The following TDRD7 variants were observed in gnomAD, a reference collection of about 807,000 sequenced individuals.
TDRD7 encodes tudor domain-containing protein 7.
Under a neutral mutation model 109.8 loss-of-function variants are expected in TDRD7, and 47 were observed. The observed-to-expected ratio is 0.43, with a 90% CI of 0.34 to 0.55. TDRD7 has a LOEUF of 0.55. Among genes scored for constraint, TDRD7 ranks in the 20% least tolerant of loss-of-function variants. TDRD7 has a pLI of 0.03. For missense variants in TDRD7, 1,164 were observed against 1,319.2 expected (o/e 0.88, Z 1.82); for synonymous variants, 424 against 457.3 (o/e 0.93, Z 0.93).
intron 16 of TDRD7, among the ~76,000 whole-genome samples, chr9:97,493,355 C>T (rs966891179): frequency 4.6e-5 from 7 of 152,054 alleles, no homozygotes; most frequent in Non-Finnish European, 7.4e-5. Context: ...CACATGTCCG[C>T]AAGTTCCGTG....
chr9:97,425,063 A>G (rs761758613), intron 1 of TDRD7, among the ~76,000 whole-genome samples: 27 of 152,116 alleles, frequency 1.8e-4, no homozygotes, highest in Middle Eastern at 3.2e-3. Context: ...CATTGGTTCT[A>G]TTCTTCGTAC....
intron 6 of TDRD7, among the ~76,000 whole-genome samples, chr9:97,448,396 C>A (rs1386455364): frequency 6.6e-6 from 1 of 152,170 alleles, no homozygotes; most frequent in Non-Finnish European, 1.5e-5. Context: ...CATTGGGGAC[C>A]ATTTCCCTAT....
At chr9:97,486,788 C>T (rs1829219254) in intron 15 of TDRD7, among the ~76,000 whole-genome samples, 1 of 152,168 alleles carries the variant, frequency 6.6e-6, no homozygotes, top group Non-Finnish European at 1.5e-5. Context: ...TGTACCATAT[C>T]CAAACATGTG....
chr9:97,454,262 C>T (rs577240318), intron 6 of TDRD7, among the ~76,000 whole-genome samples: 3 of 152,212 alleles, frequency 2.0e-5, no homozygotes, highest in South Asian at 2.1e-4. Context: ...GGGTGGATCA[C>T]GAGGTCAGGA....
rs775539832 is a variant in TDRD7, at chr9:97,432,075, G to C, written c.400G>C (p.Val134Leu). 2.5e-6 allele frequency: 4 copies of C among 1,613,710 alleles called. No individual in the cohort carries two copies. The highest frequency in any genetic ancestry group is 2.2e-5 in the South Asian group (2 of 91,090). ...ACCAGGATTTGCTTCAAATTTTTCT[G>C]TTGGCAAAAAACCTAATCCAGCACC... ...RQPGFASNFS[V>L]GKKPNPAPLR... Residue 134 changes from valine to leucine, a missense_variant, in exon 4 of 17, where the codon GTT becomes CTT. This residue lies in a region of TDRD7 where 407 missense variants were observed against 394.0 expected (regional missense o/e 1.03). Coordinates refer to ENST00000355295, the MANE Select transcript of TDRD7 (RefSeq NM_014290.3).
chr9:97,437,169 G>A (rs1430980540), intron 4 of TDRD7, among the ~76,000 whole-genome samples: 1 of 152,152 alleles, frequency 6.6e-6, no homozygotes, highest in African/African-American at 2.4e-5. Context: ...TTACCTCATA[G>A]TTTCTGTGGG....
chr9:97,439,234 T>TA lies in TDRD7; in HGVS notation c.564-9dup. On this transcript the variant is annotated splice_polypyrimidine_tract_variant and intron_variant, in intron 4 of 16. Transcript: ENST00000355295. Reference sequence around the variant, plus strand: ...ACATTTATTTTACTTTTTTTTTTTTTAATATCTTAGGTTTAGCCCAAAGGC... The same window carrying TA: ...ACATTTATTTTACTTTTTTTTTTTTTAAATATCTTAGGTTTAGCCCAAAGGC... 4 of 1,563,772 alleles carry TA rather than the reference T, an allele frequency of 2.6e-6. No individual in the cohort carries two copies. The highest frequency in any genetic ancestry group is 1.4e-5 in the African/African-American group (1 of 72,610).
Position 97,478,704 on chromosome 9 carries a change from T to G in TDRD7, c.2301+131T>G, listed in dbSNP as rs574779043. The G allele has an allele frequency of 3.8e-6, 5 of 1,320,856 alleles. No homozygotes were observed. In the South Asian group the frequency reaches 4.8e-5, roughly 13 times the overall value. The allele number at this position is 1,320,856 out of a possible 1,614,324, so 81.8% of individuals were successfully genotyped here. ...ATTGGAAATTGTCCAAATGTGGTTG[T>G]CTGCTGGTTTTCAGAAGTAAAACAT... On this transcript the variant is annotated intron_variant, in intron 13 of 16. Coordinates refer to ENST00000355295, the MANE Select transcript of TDRD7 (RefSeq NM_014290.3).
chr9:97,438,288 G>T (rs1427427113), intron 4 of TDRD7, among the ~76,000 whole-genome samples: 2 of 152,194 alleles, frequency 1.3e-5, no homozygotes, highest in Non-Finnish European at 2.9e-5. Flanking sequence ...ATTTCTTTTA[G>T]AATTAAAATT....
At chr9:97,431,997 A>C (rs369279753) in intron 3 of TDRD7, 28 bp from the exon 4 acceptor site, 1 of 1,605,492 alleles carries the variant, frequency 6.2e-7, no homozygotes, top group Non-Finnish European at 8.5e-7. Flanking sequence ...ATGCTAATTG[A>C]TTTCGTTATG....
intron 7 of TDRD7, among the ~76,000 whole-genome samples, chr9:97,461,854 AG>A (rs765744214): frequency 6.6e-6 from 1 of 152,238 alleles, no homozygotes; most frequent in East Asian, 1.9e-4. Context: ...GAGATGGAAA[AG>A]CCCAAAGAAG....
Position 97,439,253 on chromosome 9 carries a change from C to A in TDRD7, c.572C>A (p.Pro191Gln). The change falls in exon 5 of 17, where the codon CCA becomes CAA. Residue 191 changes from proline (P) to glutamine (Q), a missense_variant. Pro to Gln is a moderately conservative substitution (Grantham distance 76, BLOSUM62 -1). Around this residue, in one of 5 missense-constraint regions of TDRD7, gnomAD observed 407 missense variants for 394.0 expected, o/e 1.03. Transcript: ENST00000355295. ...VTMSTNNRFS[P>Q]KASLQPPLQM... is the part of the protein sequence containing the mutation. ...TTTTTTTAATATCTTAGGTTTAGCC[C>A]AAAGGCGTCCCTTCAACCACCTTTG... The A allele has an allele frequency of 1.3e-6, 2 of 1,598,674 alleles. No individual in the cohort carries two copies. The highest frequency in any genetic ancestry group is 2.2e-5 in the South Asian group (2 of 90,612).
chr9:97,439,592 C>T (rs577512047), intron 5 of TDRD7, among the ~76,000 whole-genome samples: 1 of 152,280 alleles, frequency 6.6e-6, no homozygotes, highest in East Asian at 1.9e-4. Context: ...ATGCTTGTGT[C>T]CCTTACTCTC....
chr9:97,414,624 C>T (rs2118184496), intron 1 of TDRD7, among the ~76,000 whole-genome samples: 1 of 152,162 alleles, frequency 6.6e-6, no homozygotes, highest in South Asian at 2.1e-4. Context: ...TATGGAAATC[C>T]CTTACTTACG....
intron 12 of TDRD7, among the ~76,000 whole-genome samples, chr9:97,477,873 TAATA>T (rs1203721654): frequency 6.6e-6 from 1 of 152,134 alleles, no homozygotes; most frequent in African/African-American, 2.4e-5. Flanking sequence ...ATTGGAGAAA[TAATA>T]AATATTACTA....
intron 7 of TDRD7, among the ~76,000 whole-genome samples, chr9:97,462,544 T>G (rs1279035152): frequency 6.6e-6 from 1 of 152,178 alleles, no homozygotes; most frequent in Non-Finnish European, 1.5e-5. Flanking sequence ...CACTGGAAGC[T>G]GGATCTCTGG....
chr9:97,437,726 G>A (rs11999387), intron 4 of TDRD7, among the ~76,000 whole-genome samples: 264 of 152,288 alleles, frequency 1.7e-3, no homozygotes, highest in African/African-American at 6.2e-3. Flanking sequence ...CTGGCACATA[G>A]TATGTCTTAA....
rs560338945 is a variant in TDRD7 at position 97,456,309 on chromosome 9, A to C, written c.856-3869A>C. ...AAACTACCATTGACATTCTTCACAG[A>C]ATTAGAAAAAACTATGTTAAATTTC... is the stretch of plus-strand genomic sequence containing the variant. On this transcript the variant is annotated intron_variant, in intron 6 of 16. Transcript: ENST00000355295. 9.8e-5 allele frequency among the ~76,000 whole-genome samples: 15 copies of C among 152,364 alleles called. 1 individual carries two copies. The highest frequency in any genetic ancestry group is 3.6e-4 in the African/African-American group (15 of 41,584).
In TDRD7 at chr9:97,494,694, GTATA is replaced by G. The variant is rs144407860; in HGVS notation, c.3077-953_3077-950del. On this transcript the variant is annotated intron_variant, in intron 16 of 16. Transcript: ENST00000355295. ...TTTCTTGAAATATGTATATATATAT[GTATA>G]TATATATATATATATTTTTTTTTTT... Among the ~76,000 whole-genome samples the G allele has an allele frequency of 9.7e-3, 1,318 of 135,392 alleles. 16 individuals are homozygous for G. The highest frequency in any genetic ancestry group is 0.033 in the African/African-American group (1,214 of 36,708). The allele number at this position is 135,392 out of a possible 152,430, so 88.8% of individuals were successfully genotyped here.
Sources: allele counts gnomAD v4.1 joint callset (sites outside exome capture counted in the v4.1 genomes callset), GRCh38; gene constraint gnomAD v4.1.1; regional missense constraint gnomAD v4.1.1; transcripts MANE v1.5; gene names NCBI Gene and HGNC (gene_info 2026-07-23, HGNC 2026-07-21).